The following RGS22 variants were observed in gnomAD, a reference collection of about 807,000 sequenced individuals.
RGS22 encodes regulator of G protein signaling 22, also known as regulator of G-protein signaling 22.
In RGS22, 148 loss-of-function variants were observed where a neutral mutation model predicts 172.9. That is an observed-to-expected ratio of 0.86 (90% CI 0.75 to 0.98). The LOEUF is 0.98. RGS22 is among the 50% of genes least tolerant of loss of function. The probability of loss-of-function intolerance (pLI) is 0.00; values close to 1 mark genes in which losing one functional copy is unlikely to be tolerated. For missense variants in RGS22, 1,347 were observed against 1,440.8 expected (o/e 0.93, Z 1.05); for synonymous variants, 458 against 480.2 (o/e 0.95, Z 0.60).
chr8:100,023,229 A>G (rs774941302), intron 14 of RGS22, among the ~76,000 whole-genome samples: 1 of 152,194 alleles, frequency 6.6e-6, no homozygotes, highest in Non-Finnish European at 1.5e-5. Context: ...AAGTTTACAT[A>G]GTCAGAATAA....
intron 14 of RGS22, among the ~76,000 whole-genome samples, chr8:100,032,290 A>G (rs1232582440): frequency 2.0e-5 from 3 of 152,208 alleles, no homozygotes; most frequent in Admixed American, 1.3e-4. Flanking sequence ...GCAGAGACAC[A>G]TATCAGGCTC....
chr8:100,067,780 A>G (rs1313030237), intron 6 of RGS22, among the ~76,000 whole-genome samples: 1 of 151,578 alleles, frequency 6.6e-6, no homozygotes, highest in Non-Finnish European at 1.5e-5. Context: ...GCCCACCACC[A>G]TGCCTGGCTA....
At chr8:99,962,331 T>TACATGCACGCATGC in intron 27 of RGS22, 63 bp downstream of exon 27, 37 of 997,044 alleles carry the variant, frequency 3.7e-5, no homozygotes, top group Non-Finnish European at 5.1e-5. Flanking sequence ...TGCGTGCATG[T>TACATGCACGCATGC]ACATGAATGA....
chr8:100,056,596 G>T (rs900416943), intron 9 of RGS22, among the ~76,000 whole-genome samples: 1 of 152,134 alleles, frequency 6.6e-6, no homozygotes, highest in African/African-American at 2.4e-5. Context: ...ATGGCTAAAG[G>T]GGGGCAAGGC....
intron 3 of RGS22, among the ~76,000 whole-genome samples, chr8:100,081,166 G>A (rs1163319369): frequency 6.6e-6 from 1 of 152,018 alleles, no homozygotes; most frequent in Non-Finnish European, 1.5e-5. Context: ...TACTCATGTA[G>A]ATTAACTTAT....
chr8:100,042,017 A>G (rs997263630), intron 11 of RGS22, 101 bp from the exon 12 acceptor site: 5 of 648,956 alleles, frequency 7.7e-6, no homozygotes, highest in African/African-American at 1.8e-5. Flanking sequence ...GAATCTCAAG[A>G]GTACTTCTGA....
chr8:100,105,857 C>T, intron 1 of RGS22, 40 bp downstream of exon 1: 1 of 1,493,654 alleles, frequency 6.7e-7, no homozygotes, highest in Non-Finnish European at 8.9e-7. Context: ...GGCCCCGACG[C>T]CGCGGGCTGA....
At chr8:99,976,651 G>A (rs1317510885) in intron 23 of RGS22, among the ~76,000 whole-genome samples, 3 of 152,172 alleles carry the variant, frequency 2.0e-5, no homozygotes, top group South Asian at 2.1e-4. Context: ...GTGAGCCACT[G>A]CGCCCGACTG....
chr8:99,985,657 T>C (rs1813017784), intron 21 of RGS22, among the ~76,000 whole-genome samples: 1 of 152,202 alleles, frequency 6.6e-6, no homozygotes, highest in Non-Finnish European at 1.5e-5. Context: ...TATGAACAAA[T>C]TTACTCCTAT....
intron 9 of RGS22, among the ~76,000 whole-genome samples, chr8:100,053,987 A>G (rs965095392): frequency 2.6e-5 from 4 of 152,220 alleles, no homozygotes; most frequent in African/African-American, 4.8e-5. Flanking sequence ...TATAATGCAT[A>G]CTATTTATTT....
intron 23 of RGS22, among the ~76,000 whole-genome samples, chr8:99,967,642 G>A (rs1810890080): frequency 6.6e-6 from 1 of 152,188 alleles, no homozygotes; most frequent in South Asian, 2.1e-4. Flanking sequence ...GGAACTCACT[G>A]CAGTGCAGCA....
chr8:100,030,505 C>T (rs1382711652), intron 14 of RGS22, among the ~76,000 whole-genome samples: 2 of 152,098 alleles, frequency 1.3e-5, no homozygotes, highest in Non-Finnish European at 2.9e-5. Context: ...TGAAAACCTT[C>T]CAGTGGTAAA....
At chr8:100,064,551 A>G (rs1810402659) in intron 7 of RGS22, among the ~76,000 whole-genome samples, 1 of 152,200 alleles carries the variant, frequency 6.6e-6, no homozygotes, top group Non-Finnish European at 1.5e-5. Flanking sequence ...GCCAATGGGA[A>G]TTAACCTTGT....
chr8:99,975,515 C>T (rs971691196), intron 23 of RGS22, among the ~76,000 whole-genome samples: 2 of 151,174 alleles, frequency 1.3e-5, no homozygotes, highest in Non-Finnish European at 2.9e-5. Context: ...TTGAGAAGAC[C>T]CAAGGCCTAG....
At chr8:100,034,559 C>G (rs190572739) in intron 14 of RGS22, among the ~76,000 whole-genome samples, 3 of 152,144 alleles carry the variant, frequency 2.0e-5, no homozygotes, top group African/African-American at 7.2e-5. Flanking sequence ...TTTATAGATT[C>G]AATGCCATCC....
At chr8:100,050,810 G>C (rs1821196438) in intron 10 of RGS22, 1 of 151,996 alleles carries the variant, frequency 6.6e-6, no homozygotes. Flanking sequence ...TTATAATTCA[G>C]CTATTGCTAC....
chr8:100,000,016 G>A (rs1444004769), intron 18 of RGS22, among the ~76,000 whole-genome samples: 1 of 152,142 alleles, frequency 6.6e-6, no homozygotes, highest in African/African-American at 2.4e-5. Context: ...GCAGAAAACA[G>A]AGGCAACAGG....
chr8:100,098,887 TTTTATTTTATTTTATTTTATTTTA>T (rs1813230518), intron 2 of RGS22, among the ~76,000 whole-genome samples: 2 of 54,868 alleles, frequency 3.6e-5, no homozygotes, highest in Non-Finnish European at 7.5e-5. Flanking sequence ...TTTTATTTTA[TTTTATTTTATTTTATTTTATTTTA>T]TTTTATTTTA....
intron 14 of RGS22, among the ~76,000 whole-genome samples, chr8:100,032,901 C>G (rs1563642752): frequency 1.3e-5 from 2 of 152,282 alleles, no homozygotes; most frequent in East Asian, 3.9e-4. Flanking sequence ...ACGGAACAAC[C>G]TGCTCCTGAA....
Sources: allele counts gnomAD v4.1 joint callset (sites outside exome capture counted in the v4.1 genomes callset), GRCh38; gene constraint gnomAD v4.1.1; transcripts MANE v1.5; gene names NCBI Gene and HGNC (gene_info 2026-07-23, HGNC 2026-07-21).